PTPRK: variants seen among roughly 807,000 people sequenced by gnomAD.
PTPRK encodes receptor-type tyrosine-protein phosphatase kappa.
Under a neutral mutation model 178.0 loss-of-function variants are expected in PTPRK, and 75 were observed. The ratio of observed to expected loss-of-function variants is 0.42; its 90% CI spans 0.35 to 0.51. PTPRK has a LOEUF of 0.51. Among genes scored for constraint, PTPRK ranks in the 20% least tolerant of loss-of-function variants. The pLI is 0.02. For synonymous variants in PTPRK, 637 were observed against 620.6 expected (o/e 1.03, Z -0.39); for missense variants, 1,441 against 1,797.8 (o/e 0.80, Z 3.59).
chr6:128,354,255 T>TTTTTTTTTTTA (rs869233661), intron 2 of PTPRK, among the ~76,000 whole-genome samples: 1 of 137,828 alleles, frequency 7.3e-6, no homozygotes, highest in South Asian at 2.4e-4. Flanking sequence ...TTTTTTTTTT[T>TTTTTTTTTTTA]GAGACTGAGT....
At position 127,996,906 on chromosome 6, in the gene PTPRK, A is replaced by C; in HGVS notation, c.2762T>G (p.Ile921Arg). ...NRAKNRYGNI[I>R]AYDHSRVILQ... ...AGAATTGAATGGGAACTTACATGCT[A>C]TAATGTTTCCATATCGGTTTTTTGC... is the stretch of plus-strand genomic sequence containing the variant. The change falls in exon 17 of 30, where the codon ATA becomes AGA. Residue 921 changes from isoleucine (I) to arginine (R), a missense_variant. Transcript: ENST00000368226. 6.2e-7 allele frequency: 1 copy of C among 1,609,832 alleles called. No homozygotes were observed. The highest frequency in any genetic ancestry group is 8.5e-7 in the Non-Finnish European group (1 of 1,177,678).
chr6:128,198,671 G>A (rs1805362826), intron 6 of PTPRK, among the ~76,000 whole-genome samples: 1 of 152,060 alleles, frequency 6.6e-6, no homozygotes, highest in Non-Finnish European at 1.5e-5. Context: ...GTGTCTTTTT[G>A]CCATTTATAC....
intron 22 of PTPRK, among the ~76,000 whole-genome samples, chr6:127,984,134 T>C (rs1257902148): frequency 6.6e-6 from 1 of 152,184 alleles, no homozygotes; most frequent in Non-Finnish European, 1.5e-5. Flanking sequence ...TAATAATGTA[T>C]ATATTCTTGG....
chr6:128,508,730 G>T (rs1856728844), intron 1 of PTPRK, among the ~76,000 whole-genome samples: 1 of 151,886 alleles, frequency 6.6e-6, no homozygotes, highest in African/African-American at 2.4e-5. Flanking sequence ...GTCACCTGAG[G>T]TCAGGAGTTC....
intron 17 of PTPRK, among the ~76,000 whole-genome samples, chr6:127,995,956 T>C (rs1023676582): frequency 1.3e-5 from 2 of 152,150 alleles, no homozygotes; most frequent in Non-Finnish European, 2.9e-5. Context: ...TCTCAGTTTC[T>C]TACTCCCTGA....
chr6:128,301,082 G>A (rs1231662254), intron 3 of PTPRK, among the ~76,000 whole-genome samples: 2 of 152,048 alleles, frequency 1.3e-5, no homozygotes, highest in African/African-American at 4.8e-5. Flanking sequence ...TACATTTTAA[G>A]TACTGAAAAT....
chr6:128,125,613 T>C (rs993794742), intron 7 of PTPRK, among the ~76,000 whole-genome samples: 1 of 133,202 alleles, frequency 7.5e-6, no homozygotes, highest in Non-Finnish European at 1.7e-5. Context: ...TTTTTTTTTT[T>C]TTTTTTTTTT....
At chr6:128,115,146 A>G (rs937144677) in intron 7 of PTPRK, among the ~76,000 whole-genome samples, 3 of 152,022 alleles carry the variant, frequency 2.0e-5, no homozygotes, top group African/African-American at 7.2e-5. Context: ...ACTGGACTGC[A>G]CCCAGCACCA....
chr6:128,261,313 A>G (rs191472662), intron 3 of PTPRK, among the ~76,000 whole-genome samples: 1 of 152,224 alleles, frequency 6.6e-6, no homozygotes, highest in African/African-American at 2.4e-5. Context: ...AAATTTGAGA[A>G]TAATGTTCTA....
At chr6:128,209,294 T>G (rs1216232365) in intron 6 of PTPRK, among the ~76,000 whole-genome samples, 1 of 152,160 alleles carries the variant, frequency 6.6e-6, no homozygotes, top group Non-Finnish European at 1.5e-5. Context: ...GCACTCAAAT[T>G]GTTCCACAGT....
intron 1 of PTPRK, among the ~76,000 whole-genome samples, chr6:128,482,622 A>G (rs963331752): frequency 6.6e-6 from 1 of 152,192 alleles, no homozygotes. Flanking sequence ...CAGCCAAATC[A>G]CAGAAAAGCG....
At chr6:128,213,849 T>G (rs866802196) in intron 6 of PTPRK, among the ~76,000 whole-genome samples, 4 of 152,026 alleles carry the variant, frequency 2.6e-5, no homozygotes, top group Non-Finnish European at 5.9e-5. Flanking sequence ...TGAAAAATAT[T>G]TACACCAAAC....
chr6:128,185,299 G>T (rs1802570649), intron 6 of PTPRK, among the ~76,000 whole-genome samples: 2 of 152,100 alleles, frequency 1.3e-5, no homozygotes, highest in Admixed American at 6.6e-5. Context: ...TTTGGGAGCA[G>T]CATAAGATAA....
intron 3 of PTPRK, among the ~76,000 whole-genome samples, chr6:128,274,225 T>G (rs1392150520): frequency 1.3e-5 from 2 of 152,178 alleles, no homozygotes; most frequent in Non-Finnish European, 2.9e-5. Context: ...TTATTGTTGC[T>G]TTGTTGTTAC....
chr6:128,490,384 G>C (rs1853599254), intron 1 of PTPRK, among the ~76,000 whole-genome samples: 1 of 152,196 alleles, frequency 6.6e-6, no homozygotes, highest in South Asian at 2.1e-4. Flanking sequence ...TTCTGCAGAT[G>C]CATCATTCCT....
chr6:128,278,039 A>T (rs1821008745), intron 3 of PTPRK, among the ~76,000 whole-genome samples: 1 of 152,206 alleles, frequency 6.6e-6, no homozygotes, highest in African/African-American at 2.4e-5. Flanking sequence ...GACATTTTAA[A>T]TGAATACTTT....
intron 7 of PTPRK, among the ~76,000 whole-genome samples, chr6:128,112,383 C>T (rs1220707043): frequency 2.6e-5 from 4 of 151,908 alleles, no homozygotes; most frequent in Admixed American, 2.6e-4. Flanking sequence ...GATGGAAAGA[C>T]ATTAAAAAGA....
At chr6:128,167,673 A>G (rs1039000983) in intron 7 of PTPRK, among the ~76,000 whole-genome samples, 1 of 152,192 alleles carries the variant, frequency 6.6e-6, no homozygotes, top group African/African-American at 2.4e-5. Flanking sequence ...AACCACAGTA[A>G]GGTTCCCTAT....
intron 1 of PTPRK, among the ~76,000 whole-genome samples, chr6:128,426,355 T>C (rs1329520780): frequency 6.6e-6 from 1 of 152,218 alleles, no homozygotes; most frequent in African/African-American, 2.4e-5. Flanking sequence ...ACACTGTTTC[T>C]ATTTTTCTTT....
Sources: allele counts gnomAD v4.1 joint callset (sites outside exome capture counted in the v4.1 genomes callset), GRCh38; gene constraint gnomAD v4.1.1; transcripts MANE v1.5; gene names NCBI Gene and HGNC (gene_info 2026-07-23, HGNC 2026-07-21).